Variants in NRIP1 observed in about 807,000 individuals in gnomAD.
NRIP1 encodes nuclear receptor-interacting protein 1.
NRIP1 carries 28 observed loss-of-function variants against 75.0 expected under a neutral mutation model. That is an observed-to-expected ratio of 0.37 (90% CI 0.28 to 0.51). NRIP1 has a LOEUF of 0.51. Among genes scored for constraint, NRIP1 ranks in the 20% least tolerant of loss-of-function variants. The pLI is 0.92. For synonymous variants in NRIP1, 526 were observed against 487.6 expected (o/e 1.08, Z -1.04); for missense variants, 1,435 against 1,343.7 (o/e 1.07, Z -1.06).
At chr21:15,065,221 C>T (rs1367063814), upstream of NRIP1, among the ~76,000 whole-genome samples, 2 of 152,124 alleles carry the variant, frequency 1.3e-5, no homozygotes, top group South Asian at 2.1e-4. Flanking sequence ...GGAACCCCCT[C>T]TGTTTCGTGG....
chr21:15,046,814 C>T (rs912713454), intron 1 of NRIP1, among the ~76,000 whole-genome samples: 2 of 152,182 alleles, frequency 1.3e-5, no homozygotes, highest in Admixed American at 6.5e-5. Flanking sequence ...CCTGCTTCAT[C>T]GTGCACTTTT....
chr21:15,045,459 C>T (rs1440406211), intron 1 of NRIP1, among the ~76,000 whole-genome samples: 1 of 152,268 alleles, frequency 6.6e-6, no homozygotes, highest in African/African-American at 2.4e-5. Flanking sequence ...ATGTACATAC[C>T]TTAGTATAAA....
At chr21:15,051,079 G>A (rs890545184) in intron 1 of NRIP1, 12 of 366,016 alleles carry the variant, frequency 3.3e-5, no homozygotes, top group Admixed American at 7.0e-5. Context: ...CTCCAGAAAC[G>A]GCTGCAGCCC....
At chr21:15,004,883 T>C (rs577188989) in intron 3 of NRIP1, among the ~76,000 whole-genome samples, 1 of 152,202 alleles carries the variant, frequency 6.6e-6, no homozygotes, top group East Asian at 1.9e-4. Flanking sequence ...AAGAAGCACT[T>C]TACTCACCCA....
At chr21:15,002,391 CAAGGGCACAGGATT>C (rs1440360998) in intron 3 of NRIP1, 2 of 152,298 alleles carry the variant, frequency 1.3e-5, no homozygotes, top group East Asian at 3.9e-4. Flanking sequence ...TATACGTGTA[CAAGGGCACAGGATT>C]AAACCTCCAC....
chr21:15,032,485 A>G (rs2823012), intron 2 of NRIP1, among the ~76,000 whole-genome samples: 21,229 of 151,992 alleles, frequency 0.14, 2,701 homozygotes, highest in African/African-American at 0.33. Flanking sequence ...ATATTTGGAT[A>G]AATGATGGCT....
At position 14,973,219 on chromosome 21, in the gene NRIP1, G is replaced by A. The variant is rs1377733181; in HGVS notation, c.-334-4693C>T. Among the ~76,000 whole-genome samples, 6 of 151,660 alleles carry A rather than the reference G, an allele frequency of 4.0e-5. No individual in the cohort carries two copies. The East Asian group carries it at 5.8e-4, about 15-fold the overall frequency. ...ACTTTTCTAGAATTTGGCTTATGGC[G>A]GATGAGAAGAACCAAAGGAAGTAAA... On this transcript the variant is annotated intron_variant, in intron 3 of 3. Transcript: ENST00000318948.
Position 14,965,448 on chromosome 21 carries a change from A to G in NRIP1, c.2745T>C (p.His915=), listed in dbSNP as rs756481872. ...TGTGTTCACTTTCGCTGGCTGAGCCATGACCAGCAGGATATTTAAATTCAA... is the reference window on the plus strand; with the variant it reads ...TGTGTTCACTTTCGCTGGCTGAGCCGTGACCAGCAGGATATTTAAATTCAA... The part of the protein sequence containing the change: ...NDLEFKYPAG[H]GSASESEHRS... Residue 915 remains histidine, a synonymous_variant, in exon 4 of 4, where the codon CAT becomes CAC. Coordinates refer to ENST00000318948, the MANE Select transcript of NRIP1 (RefSeq NM_003489.4). The G allele has an allele frequency of 6.2e-7, 1 of 1,614,020 alleles. No homozygotes were observed. Among genetic ancestry groups the G allele is most frequent in the Admixed American group, 1.7e-5 (1 of 60,022 alleles).
rs79334289 is a variant in NRIP1 at position 15,059,811 on chromosome 21, T to C, written c.-538+4934A>G. On this transcript the variant is annotated intron_variant, in intron 1 of 3. Coordinates refer to ENST00000318948, the MANE Select transcript of NRIP1 (RefSeq NM_003489.4). The stretch of plus-strand genomic sequence containing the variant: ...GTGTTTTCTTCCTCTATTTTTGAAT[T>C]GCCAGCCTTCTCAATTCTTTAAATC... Among the ~76,000 whole-genome samples, 256 of 152,286 alleles carry C rather than the reference T, an allele frequency of 1.7e-3. 3 individuals carry two copies. In the East Asian group the frequency reaches 0.045, roughly 27 times the overall value.
In NRIP1 at chr21:15,019,470, CTTTTTTTTTTTTTTTTT is replaced by C. The variant is rs539278321; in HGVS notation, c.-457-5021_-457-5005del. Among the ~76,000 whole-genome samples the C allele has an allele frequency of 7.2e-3, 277 of 38,688 alleles. 4 individuals carry two copies. The highest frequency in any genetic ancestry group is 0.019 in the African/African-American group (252 of 13,230). The allele number at this position is 38,688 out of a possible 152,430, so 25.4% of individuals were successfully genotyped here. A position where few individuals can be genotyped will look rare whatever the true frequency, so the allele number is the denominator to read the frequency against. ...ACAAGATCCACAAACAACTGCATTTCTTTTTTTTTTTTTTTTTTTTTTTTTTTTTTTTTTTTGAGACA... is the reference window on the plus strand; with the variant it reads ...ACAAGATCCACAAACAACTGCATTTCTTTTTTTTTTTTTTTTTTTGAGACA... On this transcript the variant is annotated intron_variant, in intron 2 of 3. Transcript: ENST00000318948.
Position 14,965,325 on chromosome 21 carries a change from A to G in NRIP1, c.2868T>C (p.Ser956=). ...GTCCTTTCTTTTTACTGTCAGCCAC[A>G]GAGTTACTTCTGTGCGGGGACAAAT... ...VRDLSPHRSN[S]VADSKKKGHK... Residue 956 remains serine (S), a synonymous_variant, in exon 4 of 4, where the codon TCT becomes TCC. Coordinates refer to ENST00000318948, the MANE Select transcript of NRIP1 (RefSeq NM_003489.4). 6.2e-7 allele frequency: 1 copy of G among 1,614,056 alleles called. No individual in the cohort carries two copies. Among genetic ancestry groups the G allele is most frequent in the Non-Finnish European group, 8.5e-7 (1 of 1,179,948 alleles).
rs1568941545 is a variant in NRIP1, at chr21:14,967,621, T to C, written c.572A>G (p.Lys191Arg). 18 of 1,613,716 alleles carry C rather than the reference T, an allele frequency of 1.1e-5. No homozygotes were observed. The highest frequency in any genetic ancestry group is 1.5e-5 in the Non-Finnish European group (18 of 1,179,916). Residue 191 changes from lysine (K) to arginine (R), a missense_variant, in exon 4 of 4, where the codon AAA (lysine) becomes AGA (arginine). Coordinates refer to ENST00000318948, the MANE Select transcript of NRIP1 (RefSeq NM_003489.4). ...AGGCTTTTGATCTTTAACTTTACTT[T>C]TCTTCAACAAAGTTTTTAAGTGACT... ...ASSHLKTLLKKSKVKDQKPDT... is the reference protein window; with the variant it reads ...ASSHLKTLLKRSKVKDQKPDT...
chr21:14,976,135 T>C (rs1489044071), intron 3 of NRIP1, among the ~76,000 whole-genome samples: 1 of 152,196 alleles, frequency 6.6e-6, no homozygotes, highest in Non-Finnish European at 1.5e-5. Flanking sequence ...TACTTAACAA[T>C]GTTAAAATTA....
chr21:14,964,899 A>G lies in NRIP1; in HGVS notation c.3294T>C (p.Ser1098=). The G allele has an allele frequency of 1.2e-6, 2 of 1,613,264 alleles. No homozygotes were observed. Among genetic ancestry groups the G allele is most frequent in the South Asian group, 1.1e-5 (1 of 90,922 alleles). Residue 1098 remains serine, a synonymous_variant, in exon 4 of 4, where the codon AGT becomes AGC. Transcript: ENST00000318948. The part of the protein sequence containing the change: ...DIWREASSAE[S]VSQVTAKEEL... ...CTTCTTTGGCTGTGACCTGTGAGACACTTTCAGCAGATGAAGCCTCCCTCC... is the reference window on the plus strand; with the variant it reads ...CTTCTTTGGCTGTGACCTGTGAGACGCTTTCAGCAGATGAAGCCTCCCTCC...
In NRIP1 at chr21:14,967,119, T is replaced by C; in HGVS notation, c.1074A>G (p.Lys358=). Residue 358 remains lysine, a synonymous_variant, in exon 4 of 4, where the codon AAA becomes AAG. Transcript: ENST00000318948. ...NPMGIIPSSP[K]NAGYKNSLER... is the part of the protein sequence containing the mutation. The stretch of plus-strand genomic sequence containing the variant: ...CCAGTGAGTTCTTATAACCTGCATT[T>C]TTAGGGGAAGAAGGAATGATACCCA... The C allele has an allele frequency of 6.2e-7, 1 of 1,614,092 alleles. No individual in the cohort carries two copies. The highest frequency in any genetic ancestry group is 8.5e-7 in the Non-Finnish European group (1 of 1,179,998).
At chr21:14,987,146 C>T (rs1176953001) in intron 3 of NRIP1, among the ~76,000 whole-genome samples, 2 of 152,110 alleles carry the variant, frequency 1.3e-5, no homozygotes, top group Admixed American at 6.6e-5. Context: ...CAATTTATTC[C>T]GGCTCTACCA....
At chr21:14,996,824 C>A (rs2087742107) in intron 3 of NRIP1, among the ~76,000 whole-genome samples, 1 of 151,258 alleles carries the variant, frequency 6.6e-6, no homozygotes, top group African/African-American at 2.4e-5. Flanking sequence ...AATATACGCA[C>A]AAGAAAACAA....
intron 1 of NRIP1, among the ~76,000 whole-genome samples, chr21:15,047,457 G>C (rs376392141): frequency 1.6e-4 from 25 of 152,130 alleles, no homozygotes; most frequent in Admixed American, 1.4e-3. Context: ...GGAGAATGGC[G>C]TGAACCCAGG....
intron 1 of NRIP1, among the ~76,000 whole-genome samples, 156 bp from the exon 2 acceptor site, chr21:15,043,730 T>C (rs1301353672): frequency 1.2e-4 from 19 of 152,350 alleles, no homozygotes; most frequent in African/African-American, 3.8e-4. Flanking sequence ...TCATGATACA[T>C]GCTTTCTTTG....
Sources: gnomAD v4.1 joint callset for allele counts (sites outside exome capture counted in the v4.1 genomes callset) on GRCh38, gnomAD v4.1.1 for gene constraint, MANE v1.5 for transcripts, NCBI Gene and HGNC (gene_info 2026-07-23, HGNC 2026-07-21) for gene names.